The following CAP2 variants were observed in gnomAD, a reference collection of about 807,000 sequenced individuals.
CAP2 encodes adenylyl cyclase-associated protein 2.
CAP2 carries 24 observed loss-of-function variants against 57.7 expected under a neutral mutation model. The observed-to-expected ratio is 0.42, with a 90% CI of 0.30 to 0.58. CAP2 has a LOEUF of 0.58. Ranked by LOEUF, CAP2 falls within the 20% of genes least tolerant of loss-of-function variation. The pLI is 0.22. For missense variants in CAP2, 501 were observed against 590.3 expected (o/e 0.85, Z 1.57); for synonymous variants, 194 against 207.2 (o/e 0.94, Z 0.55).
intron 1 of CAP2, among the ~76,000 whole-genome samples, chr6:17,419,272 C>G (rs1759367079): frequency 6.6e-6 from 1 of 152,114 alleles, no homozygotes; most frequent in Non-Finnish European, 1.5e-5. Context: ...AATATTTATC[C>G]ATCTGAGAGC....
intron 4 of CAP2, among the ~76,000 whole-genome samples, chr6:17,471,955 C>A (rs181337861): frequency 2.0e-4 from 31 of 152,312 alleles, no homozygotes; most frequent in African/African-American, 7.5e-4. Flanking sequence ...ACCTTAGAAT[C>A]TAAACCAGTG....
At chr6:17,408,722 A>G (rs1229295377) in intron 1 of CAP2, among the ~76,000 whole-genome samples, 1 of 135,444 alleles carries the variant, frequency 7.4e-6, no homozygotes, top group African/African-American at 2.9e-5. Flanking sequence ...GTGCAGTGGC[A>G]TGATCTCTAC....
intron 7 of CAP2, among the ~76,000 whole-genome samples, chr6:17,532,454 T>A (rs1353705512): frequency 1.3e-5 from 2 of 148,914 alleles, no homozygotes; most frequent in African/African-American, 4.9e-5. Flanking sequence ...TTTGAAAATC[T>A]TAGAGTTTAG....
rs550298557 is a variant in CAP2 at position 17,407,652 on chromosome 6, G to A, written c.-1-13903G>A. On this transcript the variant is annotated intron_variant, in intron 1 of 12. Coordinates refer to ENST00000229922, the MANE Select transcript of CAP2 (RefSeq NM_006366.3). ...AATTTAGCTGAGTGTGGTGATGCAC[G>A]CCTGTAATCCCAGCAACTCAGGAGG... is the stretch of plus-strand genomic sequence containing the variant. Among the ~76,000 whole-genome samples the A allele has an allele frequency of 1.2e-4, 18 of 151,926 alleles. No individual in the cohort carries two copies. In the South Asian group the frequency reaches 3.7e-3, roughly 32 times the overall value.
At chr6:17,521,661 G>C (rs139929978) in intron 7 of CAP2, among the ~76,000 whole-genome samples, 2 of 152,112 alleles carry the variant, frequency 1.3e-5, no homozygotes, top group East Asian at 3.9e-4. Context: ...AAGAAGATGA[G>C]CAATGCACCA....
At chr6:17,488,129 A>T (rs1422621509) in intron 4 of CAP2, among the ~76,000 whole-genome samples, 2 of 152,010 alleles carry the variant, frequency 1.3e-5, no homozygotes, top group Non-Finnish European at 2.9e-5. Flanking sequence ...GCTGGTCCTG[A>T]ACTCCTGGAC....
At chr6:17,422,386 G>A (rs1396642600) in intron 2 of CAP2, among the ~76,000 whole-genome samples, 3 of 112,506 alleles carry the variant, frequency 2.7e-5, no homozygotes, top group African/African-American at 1.1e-4. Flanking sequence ...GTCTCACTCT[G>A]TTGCCCAGGC....
chr6:17,479,731 C>T (rs1761240450), intron 4 of CAP2, among the ~76,000 whole-genome samples: 1 of 150,976 alleles, frequency 6.6e-6, no homozygotes, highest in African/African-American at 2.4e-5. Flanking sequence ...CCTGCCTCAG[C>T]CTCCCGAGTA....
At chr6:17,428,744 T>A (rs951514305) in intron 3 of CAP2, among the ~76,000 whole-genome samples, 4 of 151,486 alleles carry the variant, frequency 2.6e-5, no homozygotes, top group Non-Finnish European at 4.4e-5. Context: ...CTGCACAATG[T>A]GCACATGTAC....
chr6:17,396,707 A>C (rs937028854), intron 1 of CAP2, among the ~76,000 whole-genome samples: 3 of 152,200 alleles, frequency 2.0e-5, no homozygotes, highest in African/African-American at 7.2e-5. Context: ...TTTTGAGGTG[A>C]AACATGAAAA....
chr6:17,471,540 TAA>T (rs2113609421), intron 4 of CAP2, among the ~76,000 whole-genome samples: 1 of 152,124 alleles, frequency 6.6e-6, no homozygotes, highest in East Asian at 1.9e-4. Context: ...AAGTAAAAGG[TAA>T]AAAAGTTAGG....
chr6:17,472,986 C>T (rs1761058698), intron 4 of CAP2, among the ~76,000 whole-genome samples: 1 of 151,236 alleles, frequency 6.6e-6, no homozygotes. Flanking sequence ...ACTGTGGAGG[C>T]AGAAGGGATT....
intron 3 of CAP2, among the ~76,000 whole-genome samples, chr6:17,461,885 C>T (rs1367651324): frequency 2.1e-5 from 3 of 145,786 alleles, no homozygotes; most frequent in East Asian, 4.2e-4. Flanking sequence ...CCCAGCTACT[C>T]GGGGGGCTGA....
chr6:17,529,651 A>AAAAAAAT (rs10656588), intron 7 of CAP2, among the ~76,000 whole-genome samples: 29 of 134,534 alleles, frequency 2.2e-4, no homozygotes, highest in African/African-American at 6.8e-4. Context: ...AAAAAAAAAA[A>AAAAAAAT]ATATATATAT....
At chr6:17,495,717 G>A (rs375768175) in intron 4 of CAP2, among the ~76,000 whole-genome samples, 67 of 152,276 alleles carry the variant, frequency 4.4e-4, no homozygotes, top group Admixed American at 1.9e-3. Context: ...TTCATTGGCC[G>A]TGAGTGTGTG....
At chr6:17,425,326 A>G (rs2113537243) in intron 2 of CAP2, among the ~76,000 whole-genome samples, 1 of 152,336 alleles carries the variant, frequency 6.6e-6, no homozygotes, top group East Asian at 1.9e-4. Context: ...GGCAGTTGCC[A>G]CTTGAGCTTT....
In CAP2 at chr6:17,406,398, C is replaced by CTTTTTTTTTTTTTTTTTTT. The variant is rs777803474; in HGVS notation, c.-2+12667_-2+12668insTTTTTTTTTTTTTTTTTTT. 8.1e-3 allele frequency among the ~76,000 whole-genome samples: 824 copies of CTTTTTTTTTTTTTTTTTTT among 102,202 alleles called. 85 individuals are homozygous for CTTTTTTTTTTTTTTTTTTT. The highest frequency in any genetic ancestry group is 0.014 in the Middle Eastern group (3 of 210). The allele number at this position is 102,202 out of a possible 152,430, so 67.0% of individuals were successfully genotyped here. A position where few individuals can be genotyped will look rare whatever the true frequency, so the allele number is the denominator to read the frequency against. On this transcript the variant is annotated intron_variant, in intron 1 of 12. Coordinates refer to ENST00000229922, the MANE Select transcript of CAP2 (RefSeq NM_006366.3). ...CTTTTCTGTCAGTAAGCCCAGATTTCTTTTTTTTTTTTTTTGAGGCAGTCT... is the reference window on the plus strand; with the variant it reads ...CTTTTCTGTCAGTAAGCCCAGATTTCTTTTTTTTTTTTTTTTTTTTTTTTTTTTTTTTTTGAGGCAGTCT...
chr6:17,422,181 G>A (rs1759468751), intron 2 of CAP2, among the ~76,000 whole-genome samples: 1 of 152,102 alleles, frequency 6.6e-6, no homozygotes, highest in Non-Finnish European at 1.5e-5. Context: ...AATGTAAATT[G>A]GAAGGAATTA....
At chr6:17,404,087 G>C (rs1758886041) in intron 1 of CAP2, among the ~76,000 whole-genome samples, 1 of 152,144 alleles carries the variant, frequency 6.6e-6, no homozygotes, top group Non-Finnish European at 1.5e-5. Context: ...AACCTTTCTA[G>C]CTCAGTATTG....
Sources: allele counts gnomAD v4.1 joint callset (sites outside exome capture counted in the v4.1 genomes callset), GRCh38; gene constraint gnomAD v4.1.1; transcripts MANE v1.5; gene names NCBI Gene and HGNC (gene_info 2026-07-23, HGNC 2026-07-21).